The following AKAP9 variants were observed in gnomAD, a reference collection of about 807,000 sequenced individuals.
AKAP9 encodes the protein A-kinase anchor protein 9.
AKAP9 carries 311 observed loss-of-function variants against 488.5 expected under a neutral mutation model. That is an observed-to-expected ratio of 0.64 (90% confidence interval 0.58 to 0.70). The LOEUF (loss-of-function observed/expected upper bound fraction) is 0.70, where lower values mean the gene tolerates loss of function less well. AKAP9 is among the 30% of genes least tolerant of loss of function. AKAP9 has a pLI of 0.00. For missense variants in AKAP9, 4,215 were observed against 4,374.5 expected (o/e 0.96, Z 1.03); for synonymous variants, 1,462 against 1,483.5 (o/e 0.99, Z 0.33).
At chr7:92,005,137 T>C (rs1799662874) in intron 8 of AKAP9, among the ~76,000 whole-genome samples, 1 of 152,226 alleles carries the variant, frequency 6.6e-6, no homozygotes, top group South Asian at 2.1e-4. Flanking sequence ...TTTGCGTATG[T>C]TGAACCAGCC....
chr7:92,087,691 A>G (rs1451180789), intron 37 of AKAP9, among the ~76,000 whole-genome samples: 1 of 152,090 alleles, frequency 6.6e-6, no homozygotes. Flanking sequence ...AGCCTGGAAC[A>G]TCTTGTTTTG....
At chr7:92,090,302 C>G (rs1018577882) in intron 38 of AKAP9, 5 of 152,350 alleles carry the variant, frequency 3.3e-5, no homozygotes, top group Non-Finnish European at 5.9e-5. Flanking sequence ...ATCTCTAGTT[C>G]ATTCATTCTT....
intron 3 of AKAP9, among the ~76,000 whole-genome samples, chr7:91,984,207 A>G (rs181159084): frequency 6.4e-4 from 98 of 152,244 alleles, no homozygotes; most frequent in African/African-American, 2.2e-3. Flanking sequence ...GTCCTTGCCC[A>G]TGCCTGACCT....
rs1023219671 is a variant in AKAP9 at position 92,002,197 on chromosome 7, G to A, written c.2280G>A (p.Lys760=). Residue 760 remains lysine, a synonymous_variant, in exon 8 of 50, where the codon AAG becomes AAA. Coordinates refer to ENST00000356239, the MANE Select transcript of AKAP9 (RefSeq NM_005751.5). ...CAGAATTGTTAGAAAAACAGATGAA[G>A]GAAAAAGAGAATGATCTTCAAGAAA... ...LKTELLEKQM[K]EKENDLQEKF... 2 of 1,591,586 alleles carry A rather than the reference G, an allele frequency of 1.3e-6. No individual in the cohort carries two copies. Among genetic ancestry groups the A allele is most frequent in the South Asian group, 2.4e-5 (2 of 84,958 alleles).
At chr7:92,071,241 A>C (rs867103557) in intron 28 of AKAP9, among the ~76,000 whole-genome samples, 3 of 152,190 alleles carry the variant, frequency 2.0e-5, no homozygotes, top group African/African-American at 7.2e-5. Context: ...GCCTTGAAGC[A>C]GGACGAAGTT....
At chr7:92,080,568 C>G (rs111531675) in intron 31 of AKAP9, among the ~76,000 whole-genome samples, 1 of 151,344 alleles carries the variant, frequency 6.6e-6, no homozygotes, top group Non-Finnish European at 1.5e-5. Context: ...ACTGCACACT[C>G]CAACCTGGGT....
chr7:91,986,989 A>G (rs1211699359), intron 3 of AKAP9, among the ~76,000 whole-genome samples: 2 of 152,092 alleles, frequency 1.3e-5, no homozygotes, highest in South Asian at 2.1e-4. Flanking sequence ...AGTTTTTGGA[A>G]AGATACTTAT....
Position 92,095,157 on chromosome 7 carries a change from A to G in AKAP9, c.9713A>G (p.Asp3238Gly). The change falls in exon 40 of 50, where the codon GAT becomes GGT. Residue 3238 changes from aspartate (D) to glycine (G), a missense_variant. This residue lies in a region of AKAP9 where 1,476 missense variants were observed against 1,477.4 expected (regional missense o/e 1.00). Coordinates refer to ENST00000356239, the MANE Select transcript of AKAP9 (RefSeq NM_005751.5). ...AAGTTGGGACGCAGTGAAGAACGGG[A>G]TAAAGAAGAACTTGAGGTACTGTTA... ...KAKLGRSEER[D>G]KEELEDLKFS... 6.2e-7 allele frequency: 1 copy of G among 1,614,184 alleles called. No homozygotes were observed. Among genetic ancestry groups the G allele is most frequent in the Non-Finnish European group, 8.5e-7 (1 of 1,180,028 alleles).
intron 28 of AKAP9, among the ~76,000 whole-genome samples, chr7:92,075,011 T>C (rs889644521): frequency 6.6e-6 from 1 of 151,944 alleles, no homozygotes; most frequent in Admixed American, 6.6e-5. Context: ...TATAATTTTT[T>C]AAAAAAGATT....
chr7:92,021,693 C>T lies in AKAP9; in HGVS notation c.3838-545C>T, dbSNP rs1010791419. ...ACCTTAGGTGATCCAGCCATCTCAGCCTCCCACAGTGCTAGGATTACAGGC... is the reference window on the plus strand; with the variant it reads ...ACCTTAGGTGATCCAGCCATCTCAGTCTCCCACAGTGCTAGGATTACAGGC... On this transcript the variant is annotated intron_variant, in intron 12 of 49. Coordinates refer to ENST00000356239, the MANE Select transcript of AKAP9 (RefSeq NM_005751.5). Among the ~76,000 whole-genome samples the T allele has an allele frequency of 3.3e-5, 5 of 152,248 alleles. No homozygotes were observed. In the East Asian group the frequency reaches 9.7e-4, roughly 29 times the overall value.
chr7:91,973,662 A>G, intron 1 of AKAP9, 49 bp from the exon 2 acceptor site: 2 of 1,588,988 alleles, frequency 1.3e-6, no homozygotes, highest in Non-Finnish European at 1.7e-6. Context: ...CTTGGTGGCA[A>G]TAAAGAAAAA....
intron 38 of AKAP9, chr7:92,090,747 T>A (rs1408886025): frequency 6.6e-6 from 1 of 152,252 alleles, no homozygotes; most frequent in African/African-American, 2.4e-5. Context: ...AATGTTATTA[T>A]AAACATTGTT....
At chr7:92,011,713 T>C (rs552825635) in intron 8 of AKAP9, among the ~76,000 whole-genome samples, 8 of 152,202 alleles carry the variant, frequency 5.3e-5, no homozygotes, top group Non-Finnish European at 1.2e-4. Flanking sequence ...GAAATTTTAA[T>C]ATATAGGAAA....
chr7:92,074,332 G>T (rs912645703), intron 28 of AKAP9, among the ~76,000 whole-genome samples: 4 of 152,178 alleles, frequency 2.6e-5, no homozygotes. Flanking sequence ...TCTCATGCCA[G>T]TTAGAAAGGT....
chr7:91,998,871 A>G (rs1448025675), intron 7 of AKAP9, among the ~76,000 whole-genome samples: 4 of 152,170 alleles, frequency 2.6e-5, no homozygotes, highest in East Asian at 1.9e-4. Context: ...ATTTTAGCAT[A>G]TTCTGTGAGA....
Position 92,095,354 on chromosome 7 carries a change from G to A in AKAP9, c.9729+181G>A, listed in dbSNP as rs547461284. ...GGAAATGCTAATGGAGTGGTGATTG[G>A]TTTTTTTTGTTTGTTTGTTTGTTTT... On this transcript the variant is annotated intron_variant, in intron 40 of 49. Transcript: ENST00000356239. 2.0e-5 allele frequency among the ~76,000 whole-genome samples: 3 copies of A among 152,066 alleles called. No individual in the cohort carries two copies. The East Asian group carries it at 5.8e-4, about 29-fold the overall frequency.
intron 4 of AKAP9, among the ~76,000 whole-genome samples, chr7:91,992,489 C>T (rs1030682451): frequency 6.6e-6 from 1 of 151,930 alleles, no homozygotes; most frequent in African/African-American, 2.4e-5. Flanking sequence ...CAAGGTGAAA[C>T]CGCATCTCTA....
intron 15 of AKAP9, among the ~76,000 whole-genome samples, chr7:92,030,511 A>G (rs1804039946): frequency 1.3e-5 from 2 of 151,914 alleles, no homozygotes; most frequent in East Asian, 3.9e-4. Flanking sequence ...GCGTGGTGGC[A>G]CTCGCCTGTA....
chr7:92,104,199 T>TA (rs1818130238), intron 46 of AKAP9, among the ~76,000 whole-genome samples: 2 of 150,544 alleles, frequency 1.3e-5, no homozygotes, highest in African/African-American at 4.9e-5. Flanking sequence ...TATTTTTTTT[T>TA]TTTTTTTTTG....
Sources: gnomAD v4.1 joint callset for allele counts (sites outside exome capture counted in the v4.1 genomes callset) on GRCh38, gnomAD v4.1.1 for gene constraint, gnomAD v4.1.1 regional missense constraint, MANE v1.5 for transcripts, NCBI Gene and HGNC (gene_info 2026-07-23, HGNC 2026-07-21) for gene names.